Variants in CPEB1 observed in about 807,000 individuals in gnomAD.
The protein encoded by CPEB1 is cytoplasmic polyadenylation element binding protein 1, also known as cytoplasmic polyadenylation element-binding protein 1.
In CPEB1, 7 loss-of-function variants were observed where a neutral mutation model predicts 65.8. The ratio of observed to expected loss-of-function variants is 0.11; its 90% CI spans 0.06 to 0.20. The LOEUF (loss-of-function observed/expected upper bound fraction) is 0.20. Ranked by LOEUF, CPEB1 falls within the 10% of genes least tolerant of loss-of-function variation. The pLI, the probability that CPEB1 is intolerant of heterozygous loss-of-function variation, is 1.00. For missense variants in CPEB1, 551 were observed against 712.2 expected (o/e 0.77, Z 2.58); for synonymous variants, 262 against 260.0 (o/e 1.01, Z -0.08).
intron 10 of CPEB1, among the ~76,000 whole-genome samples, chr15:82,548,471 T>C (rs576670369): frequency 2.4e-4 from 36 of 152,288 alleles, no homozygotes; most frequent in Admixed American, 8.5e-4. Flanking sequence ...GTGGAGATCA[T>C]GTTAGCGTGA....
intron 3 of CPEB1, among the ~76,000 whole-genome samples, chr15:82,613,994 A>T (rs2044441946): frequency 6.6e-6 from 1 of 151,376 alleles, no homozygotes; most frequent in South Asian, 2.1e-4. Flanking sequence ...TCCGCCAAGC[A>T]GTGGCCTTGC....
At chr15:82,647,753 C>G, upstream of CPEB1, 1 of 1,059,868 alleles carries the variant, frequency 9.4e-7, no homozygotes. Context: ...CCGCACGGGG[C>G]GGGGGATGGG....
chr15:82,570,986 A>G (rs956399698), intron 4 of CPEB1, among the ~76,000 whole-genome samples: 1 of 152,018 alleles, frequency 6.6e-6, no homozygotes, highest in Non-Finnish European at 1.5e-5. Flanking sequence ...CCCCCACCTA[A>G]AAGTGTTTTG....
chr15:82,570,381 C>G (rs2039832067), intron 4 of CPEB1, among the ~76,000 whole-genome samples: 1 of 147,782 alleles, frequency 6.8e-6, no homozygotes, highest in African/African-American at 2.5e-5. Context: ...GTACCACCCC[C>G]TCCCCCCCGC....
intron 1 of CPEB1, among the ~76,000 whole-genome samples, chr15:82,643,534 C>CA (rs1390961185): frequency 6.6e-6 from 1 of 151,374 alleles, no homozygotes; most frequent in Non-Finnish European, 1.5e-5. Context: ...GAGGCTGAGG[C>CA]AGAAGAATTG....
intron 9 of CPEB1, among the ~76,000 whole-genome samples, chr15:82,552,227 C>A (rs1228683478): frequency 6.6e-6 from 1 of 150,910 alleles, no homozygotes; most frequent in African/African-American, 2.4e-5. Flanking sequence ...TAAAGACGGG[C>A]AGACAGTTTG....
intron 3 of CPEB1, among the ~76,000 whole-genome samples, chr15:82,613,996 T>C (rs1261169844): frequency 2.0e-5 from 3 of 151,480 alleles, no homozygotes; most frequent in African/African-American, 7.3e-5. Flanking sequence ...CGCCAAGCAG[T>C]GGCCTTGCTG....
At chr15:82,623,217 C>G (rs2151301604) in intron 3 of CPEB1, among the ~76,000 whole-genome samples, 1 of 152,328 alleles carries the variant, frequency 6.6e-6, no homozygotes, top group Non-Finnish European at 1.5e-5. Flanking sequence ...GTTCTCAAAC[C>G]AAACCAACCT....
At chr15:82,547,014 C>A in intron 11 of CPEB1, 129 bp downstream of exon 11, 2 of 642,606 alleles carry the variant, frequency 3.1e-6, no homozygotes, top group Non-Finnish European at 2.8e-6. Flanking sequence ...TGTTAATTCT[C>A]AGGAATTTGG....
At chr15:82,618,547 C>T (rs141164791) in intron 3 of CPEB1, among the ~76,000 whole-genome samples, 8 of 152,252 alleles carry the variant, frequency 5.3e-5, no homozygotes, top group Non-Finnish European at 1.0e-4. Context: ...ATAAAACTCA[C>T]ATCTCAAAAC....
intron 3 of CPEB1, among the ~76,000 whole-genome samples, chr15:82,608,071 A>C (rs1217542281): frequency 1.3e-5 from 2 of 152,228 alleles, no homozygotes; most frequent in Non-Finnish European, 2.9e-5. Flanking sequence ...GTTAACCAGG[A>C]GAGAGAGCTT....
chr15:82,604,997 G>A (rs1306336682), intron 3 of CPEB1, among the ~76,000 whole-genome samples: 3 of 152,170 alleles, frequency 2.0e-5, no homozygotes, highest in African/African-American at 7.2e-5. Context: ...CTGCAAGAGA[G>A]AAGCAATCAT....
At chr15:82,630,023 C>T in intron 1 of CPEB1, 1 of 985,414 alleles carries the variant, frequency 1.0e-6, no homozygotes, top group Non-Finnish European at 1.2e-6. Context: ...TCCAGTGACA[C>T]ACAAGGCCCT....
At chr15:82,628,733 A>G (rs2045984316) in intron 1 of CPEB1, 177 bp from the exon 2 acceptor site, 2 of 383,678 alleles carry the variant, frequency 5.2e-6, no homozygotes, top group Admixed American at 8.5e-5. Context: ...AAGACCAATC[A>G]ATCCTTCCTC....
chr15:82,646,563 G>A (rs1459141366), intron 1 of CPEB1, among the ~76,000 whole-genome samples: 1 of 152,188 alleles, frequency 6.6e-6, no homozygotes, highest in African/African-American at 2.4e-5. Context: ...CTGAGAGCAC[G>A]GTGCAAGGGG....
chr15:82,614,555 A>G (rs1311886776), intron 3 of CPEB1, among the ~76,000 whole-genome samples: 1 of 152,130 alleles, frequency 6.6e-6, no homozygotes, highest in East Asian at 1.9e-4. Context: ...AAATTCCTAG[A>G]TATTATCAGT....
rs766687993 is a variant in CPEB1 at position 82,556,068 on chromosome 15, G to GACC, written c.739_741dup (p.Gly247dup). On this transcript the variant is annotated inframe_insertion, in exon 6 of 13. Transcript: ENST00000684509. ...ACCCCCATCTTTAAAGGGTCTCTGG[G>GACC]ACCACCCCCTGACAGAGACAGGAAG... is the stretch of plus-strand genomic sequence containing the variant. 6.2e-7 allele frequency: 1 copy of GACC among 1,611,398 alleles called. No homozygotes were observed. Among genetic ancestry groups the GACC allele is most frequent in the Non-Finnish European group, 8.5e-7 (1 of 1,178,796 alleles).
chr15:82,644,250 A>G (rs148956169), intron 1 of CPEB1, among the ~76,000 whole-genome samples: 3 of 152,288 alleles, frequency 2.0e-5, no homozygotes, highest in African/African-American at 7.2e-5. Flanking sequence ...CACTTTGCCT[A>G]TAAATGTGAC....
rs1289409579 is a variant in CPEB1 at position 82,543,824 on chromosome 15, T to A, written c.*768A>T. On this transcript the variant is annotated 3_prime_UTR_variant, in exon 13 of 13. Coordinates refer to ENST00000684509, the MANE Select transcript of CPEB1 (RefSeq NM_001365242.1). ...TCCAGTTTCAAATAAAACAAAAAAT[T>A]TTTTTTTTCTTGGTTGCAAATGCCT... 1.3e-5 allele frequency: 2 copies of A among 151,692 alleles called. No homozygotes were observed. The highest frequency in any genetic ancestry group is 6.6e-5 in the Admixed American group (1 of 15,218). The allele number at this position is 151,692 out of a possible 1,614,324, so 9.4% of individuals were successfully genotyped here. A position where few individuals can be genotyped will look rare whatever the true frequency, so the allele number is the denominator to read the frequency against.
Sources: gnomAD v4.1 joint callset for allele counts (sites outside exome capture counted in the v4.1 genomes callset) on GRCh38, gnomAD v4.1.1 for gene constraint, MANE v1.5 for transcripts, NCBI Gene and HGNC (gene_info 2026-07-23, HGNC 2026-07-21) for gene names.